The following PTPRD variants were observed in gnomAD, a reference collection of about 807,000 sequenced individuals.
PTPRD encodes the protein receptor-type tyrosine-protein phosphatase delta.
In PTPRD, 34 loss-of-function variants were observed where a neutral mutation model predicts 214.5. The observed-to-expected ratio is 0.16, with a 90% CI of 0.12 to 0.21. PTPRD has a LOEUF of 0.21. Among genes scored for constraint, PTPRD ranks in the 10% least tolerant of loss-of-function variants. PTPRD has a pLI of 1.00. For synonymous variants in PTPRD, 1,128 were observed against 845.7 expected (o/e 1.33, Z -5.79); for missense variants, 2,545 against 2,398.7 (o/e 1.06, Z -1.27).
At chr9:8,919,925 T>C (rs138044249) in intron 11 of PTPRD, among the ~76,000 whole-genome samples, 22 of 126,480 alleles carry the variant, frequency 1.7e-4, no homozygotes, top group Non-Finnish European at 2.4e-4. Context: ...TGGATGCATG[T>C]GCATGCATGT....
chr9:9,330,273 T>C (rs112266988), intron 9 of PTPRD, among the ~76,000 whole-genome samples: 9 of 152,138 alleles, frequency 5.9e-5, no homozygotes, highest in African/African-American at 2.2e-4. Context: ...GTCTGCCTTC[T>C]ATTCTCAAAT....
At chr9:9,531,293 G>C (rs764292480) in intron 8 of PTPRD, among the ~76,000 whole-genome samples, 1 of 152,128 alleles carries the variant, frequency 6.6e-6, no homozygotes, top group African/African-American at 2.4e-5. Flanking sequence ...CAAAGATAGT[G>C]TCATTTCAGC....
chr9:10,124,821 T>C (rs1416228673), intron 3 of PTPRD, among the ~76,000 whole-genome samples: 2 of 152,212 alleles, frequency 1.3e-5, no homozygotes, highest in Admixed American at 6.5e-5. Flanking sequence ...GAATACAAAA[T>C]TTTTCTGAAA....
chr9:8,898,398 T>G (rs1340077242), intron 11 of PTPRD, among the ~76,000 whole-genome samples: 2 of 152,124 alleles, frequency 1.3e-5, no homozygotes, highest in East Asian at 3.9e-4. Flanking sequence ...AAGTACAAAC[T>G]GACCCCATCC....
At chr9:9,178,297 T>C (rs2099926161) in intron 10 of PTPRD, among the ~76,000 whole-genome samples, 1 of 152,008 alleles carries the variant, frequency 6.6e-6, no homozygotes, top group South Asian at 2.1e-4. Context: ...TTTTCTTTCC[T>C]CCTCTCCTCC....
At chr9:10,218,827 T>C (rs1397272171) in intron 3 of PTPRD, among the ~76,000 whole-genome samples, 1 of 151,766 alleles carries the variant, frequency 6.6e-6, no homozygotes, top group Non-Finnish European at 1.5e-5. Flanking sequence ...TGTCATATAT[T>C]TATTATAAAA....
intron 11 of PTPRD, among the ~76,000 whole-genome samples, chr9:8,828,337 G>C (rs905897971): frequency 1.3e-5 from 2 of 152,198 alleles, no homozygotes; most frequent in Non-Finnish European, 2.9e-5. Flanking sequence ...GATCCCTTGT[G>C]AACAGGAATA....
intron 4 of PTPRD, among the ~76,000 whole-genome samples, chr9:9,985,002 A>C (rs549470477): frequency 6.6e-6 from 1 of 152,202 alleles, no homozygotes; most frequent in Non-Finnish European, 1.5e-5. Context: ...GCTTAAAGGA[A>C]TTTCATTATC....
chr9:8,590,429 G>A (rs2094010455), intron 14 of PTPRD, among the ~76,000 whole-genome samples: 1 of 152,070 alleles, frequency 6.6e-6, no homozygotes, highest in Non-Finnish European at 1.5e-5. Context: ...ATCAGAGGGT[G>A]GGTAGAAAGT....
chr9:10,403,971 G>A (rs370326697), intron 2 of PTPRD, among the ~76,000 whole-genome samples: 21 of 151,766 alleles, frequency 1.4e-4, no homozygotes, highest in African/African-American at 4.8e-4. Flanking sequence ...ACCACAGCGA[G>A]AGTGAATCCT....
At chr9:8,473,966 A>G (rs1441137415) in intron 30 of PTPRD, among the ~76,000 whole-genome samples, 1 of 152,162 alleles carries the variant, frequency 6.6e-6, no homozygotes, top group Non-Finnish European at 1.5e-5. Context: ...ACACATTTCA[A>G]CTGTGCTCTC....
At chr9:9,272,872 A>C (rs1218415244) in intron 9 of PTPRD, among the ~76,000 whole-genome samples, 3 of 151,280 alleles carry the variant, frequency 2.0e-5, no homozygotes, top group African/African-American at 7.3e-5. Flanking sequence ...AGTGCCCTGA[A>C]ATATTTAATA....
intron 6 of PTPRD, among the ~76,000 whole-genome samples, chr9:9,738,588 G>A (rs1307733716): frequency 2.6e-5 from 4 of 151,490 alleles, no homozygotes; most frequent in South Asian, 4.2e-4. Context: ...ACAGGCACGT[G>A]CCACCATCAC....
intron 7 of PTPRD, among the ~76,000 whole-genome samples, chr9:9,596,458 C>T (rs942297769): frequency 6.6e-6 from 1 of 151,836 alleles, no homozygotes; most frequent in African/African-American, 2.4e-5. Context: ...TGTAGAAAAT[C>T]TTGCCTTTTT....
chr9:9,724,725 A>C (rs890549927), intron 7 of PTPRD, among the ~76,000 whole-genome samples: 1 of 152,162 alleles, frequency 6.6e-6, no homozygotes, highest in Non-Finnish European at 1.5e-5. Context: ...AGCACTACAA[A>C]AGTTGCATGT....
chr9:9,827,160 A>G (rs1039137128), intron 5 of PTPRD, among the ~76,000 whole-genome samples: 5 of 152,112 alleles, frequency 3.3e-5, no homozygotes, highest in Admixed American at 1.3e-4. Flanking sequence ...AAACTACTTT[A>G]AAGTTCATAT....
At position 8,911,549 on chromosome 9, in the gene PTPRD, C is replaced by G. The variant is rs1200452606; in HGVS notation, c.-104+107148G>C. Among the ~76,000 whole-genome samples the G allele has an allele frequency of 4.6e-5, 7 of 151,968 alleles. No homozygotes were observed. In the East Asian group the frequency reaches 1.4e-3, roughly 29 times the overall value. ...TAAATCATAGACCCAAATGTAAGAG[C>G]TAAATCTATACTATTTTTAGAAGGA... is the stretch of plus-strand genomic sequence containing the variant. On this transcript the variant is annotated intron_variant, in intron 11 of 45. Coordinates refer to ENST00000381196, the MANE Select transcript of PTPRD (RefSeq NM_002839.4).
chr9:8,700,191 T>C (rs561862756), intron 12 of PTPRD, among the ~76,000 whole-genome samples: 11 of 152,328 alleles, frequency 7.2e-5, no homozygotes, highest in Admixed American at 7.2e-4. Context: ...TAATGGAAAC[T>C]ATATAATTTG....
chr9:8,556,631 G>T (rs1177976985), intron 14 of PTPRD, among the ~76,000 whole-genome samples: 1 of 151,820 alleles, frequency 6.6e-6, no homozygotes, highest in Non-Finnish European at 1.5e-5. Flanking sequence ...CCTATCCAAG[G>T]AGTCCACTTG....
Sources: gnomAD v4.1 joint callset for allele counts (sites outside exome capture counted in the v4.1 genomes callset) on GRCh38, gnomAD v4.1.1 for gene constraint, MANE v1.5 for transcripts, NCBI Gene and HGNC (gene_info 2026-07-23, HGNC 2026-07-21) for gene names.